The following CALCR variants were observed in gnomAD, a reference collection of about 807,000 sequenced individuals.
CALCR encodes the protein calcitonin receptor.
CALCR carries 47 observed loss-of-function variants against 59.5 expected under a neutral mutation model. The ratio of observed to expected loss-of-function variants is 0.79; its 90% CI spans 0.63 to 1.01. CALCR has a LOEUF of 1.01. CALCR is among the 50% of genes least tolerant of loss of function. The probability of loss-of-function intolerance (pLI) is 0.00; values close to 1 mark genes in which losing one functional copy is unlikely to be tolerated. For synonymous variants in CALCR, 213 were observed against 211.3 expected (o/e 1.01, Z -0.07); for missense variants, 566 against 597.1 (o/e 0.95, Z 0.54).
intron 6 of CALCR, among the ~76,000 whole-genome samples, 170 bp downstream of exon 6, chr7:93,472,205 A>G (rs1218740161): frequency 6.6e-6 from 1 of 151,746 alleles, no homozygotes; most frequent in Non-Finnish European, 1.5e-5. Flanking sequence ...GTGAAATGTC[A>G]TTTTCTCTAA....
At chr7:93,573,094 C>G (rs1790042280) in intron 2 of CALCR, among the ~76,000 whole-genome samples, 1 of 152,134 alleles carries the variant, frequency 6.6e-6, no homozygotes, top group African/African-American at 2.4e-5. Flanking sequence ...CTTAGTTTCT[C>G]TCATAATACT....
intron 8 of CALCR, 150 bp from the exon 9 acceptor site, chr7:93,443,907 C>A (rs1212055230): frequency 4.7e-6 from 3 of 640,226 alleles, no homozygotes; most frequent in African/African-American, 1.8e-5. Context: ...ACCTGCTATA[C>A]CCACAAATCA....
At chr7:93,563,754 T>A (rs1789798492) in intron 2 of CALCR, among the ~76,000 whole-genome samples, 1 of 152,194 alleles carries the variant, frequency 6.6e-6, no homozygotes, top group East Asian at 1.9e-4. Flanking sequence ...GTCATGCATT[T>A]ATAACGAGCA....
chr7:93,540,579 ACT>A (rs1789105657), intron 2 of CALCR, among the ~76,000 whole-genome samples: 1 of 151,612 alleles, frequency 6.6e-6, no homozygotes, highest in Non-Finnish European at 1.5e-5. Context: ...TGGCTAATAA[ACT>A]CTATCTTTTC....
At chr7:93,536,173 T>C (rs1036227904) in intron 2 of CALCR, among the ~76,000 whole-genome samples, 1 of 151,796 alleles carries the variant, frequency 6.6e-6, no homozygotes, top group African/African-American at 2.4e-5. Context: ...GTGCAGCAAG[T>C]GTAAGAGCAT....
intron 7 of CALCR, among the ~76,000 whole-genome samples, chr7:93,468,054 G>C (rs1413319187): frequency 6.6e-6 from 1 of 151,672 alleles, no homozygotes; most frequent in African/African-American, 2.4e-5. Flanking sequence ...AGTTGGTTGT[G>C]ATGAAAGCAT....
intron 2 of CALCR, among the ~76,000 whole-genome samples, chr7:93,522,129 T>C (rs1801777454): frequency 6.6e-6 from 1 of 152,114 alleles, no homozygotes; most frequent in South Asian, 2.1e-4. Flanking sequence ...AAACACAGCA[T>C]GAGGCATATC....
At chr7:93,430,556 T>C (rs1799638188) in intron 13 of CALCR, among the ~76,000 whole-genome samples, 1 of 152,212 alleles carries the variant, frequency 6.6e-6, no homozygotes, top group South Asian at 2.1e-4. Flanking sequence ...GTTAAACTTT[T>C]TGAAAACATT....
chr7:93,459,259 G>A lies in CALCR; in HGVS notation c.648+1562C>T, dbSNP rs1473218532. Among the ~76,000 whole-genome samples, 4 of 152,260 alleles carry A rather than the reference G, an allele frequency of 2.6e-5. No individual in the cohort carries two copies. The East Asian group carries it at 5.8e-4, about 22-fold the overall frequency. ...GTTACTAAGCCCTCACTGATTTACA[G>A]AGACACATGTGACAATGCAAAGGAA... On this transcript the variant is annotated intron_variant, in intron 8 of 13. Transcript: ENST00000426151.
intron 7 of CALCR, chr7:93,462,083 A>G (rs771126265): frequency 6.6e-7 from 1 of 1,504,830 alleles, no homozygotes; most frequent in South Asian, 1.2e-5. Flanking sequence ...TATATTTCCA[A>G]TTCAAAGGAA....
In CALCR at chr7:93,425,900, T is replaced by TGAC. The variant is rs1194238359; in HGVS notation, c.*453_*455dup. On this transcript the variant is annotated 3_prime_UTR_variant, in exon 14 of 14. Coordinates refer to ENST00000426151, the MANE Select transcript of CALCR (RefSeq NM_001742.4). ...TAAAACATCTCAGTAACATCAGAAT[T>TGAC]GACTGAAATTTAAAAAAATTAAAAA... is the stretch of plus-strand genomic sequence containing the variant. 6.5e-6 allele frequency: 1 copy of TGAC among 154,332 alleles called. No individual in the cohort carries two copies. The highest frequency in any genetic ancestry group is 1.4e-5 in the Non-Finnish European group (1 of 69,466). The allele number at this position is 154,332 out of a possible 1,614,324, so 9.6% of individuals were successfully genotyped here.
intron 3 of CALCR, among the ~76,000 whole-genome samples, chr7:93,481,124 G>A (rs955088970): frequency 1.3e-4 from 20 of 151,998 alleles, no homozygotes; most frequent in African/African-American, 4.1e-4. Flanking sequence ...GTCATGTTGT[G>A]AGGATGAACA....
At chr7:93,446,545 T>C (rs1306113459) in intron 8 of CALCR, among the ~76,000 whole-genome samples, 1 of 152,036 alleles carries the variant, frequency 6.6e-6, no homozygotes, top group Non-Finnish European at 1.5e-5. Flanking sequence ...ACACCTGCTA[T>C]GAGCCAGGAA....
chr7:93,490,566 T>TA (rs930887620), intron 2 of CALCR, among the ~76,000 whole-genome samples: 8 of 151,922 alleles, frequency 5.3e-5, no homozygotes, highest in East Asian at 3.9e-4. Context: ...AGTCGCAGGA[T>TA]AAAAAATCAA....
intron 2 of CALCR, among the ~76,000 whole-genome samples, chr7:93,573,998 T>C (rs1020653611): frequency 1.3e-5 from 2 of 152,230 alleles, no homozygotes; most frequent in Non-Finnish European, 2.9e-5. Flanking sequence ...ATAAAACTTT[T>C]GAGGGAAAAT....
intron 2 of CALCR, among the ~76,000 whole-genome samples, chr7:93,568,471 G>A (rs1423971987): frequency 2.0e-5 from 3 of 149,324 alleles, no homozygotes; most frequent in Non-Finnish European, 4.4e-5. Flanking sequence ...TCCCGCATGA[G>A]TGCTCGCTTT....
At position 93,430,039 on chromosome 7, in the gene CALCR, C is replaced by T. The variant is rs561073045; in HGVS notation, c.1192-3450G>A. Among the ~76,000 whole-genome samples the T allele has an allele frequency of 3.3e-3, 502 of 151,064 alleles. 2 individuals carry two copies. The highest frequency in any genetic ancestry group is 0.011 in the African/African-American group (450 of 41,064). On this transcript the variant is annotated intron_variant, in intron 13 of 13. Coordinates refer to ENST00000426151, the MANE Select transcript of CALCR (RefSeq NM_001742.4). The stretch of plus-strand genomic sequence containing the variant: ...CTCCACCTCCCGGGTTCACCCCATT[C>T]TTCTGCCTCAGCCTCCCAAGTAGCT...
chr7:93,571,887 T>C (rs1278924112), intron 2 of CALCR, among the ~76,000 whole-genome samples: 1 of 152,186 alleles, frequency 6.6e-6, no homozygotes, highest in Non-Finnish European at 1.5e-5. Context: ...TGGTAGTTAG[T>C]GTGCCAAGGG....
rs753900402 is a variant in CALCR at position 93,426,474 on chromosome 7, C to T, written c.1307G>A (p.Gly436Asp). ...ATGGCAGATGTAAATTGGGATGTCG[C>T]CAGCCTCCGCAGCAGCGGCTGCAGC... ...ARAAAAAAEA[G>D]DIPIYICHQE... Residue 436 changes from glycine (G) to aspartate (D), a missense_variant, in exon 14 of 14, where the codon GGC (glycine) becomes GAC (aspartate). Coordinates refer to ENST00000426151, the MANE Select transcript of CALCR (RefSeq NM_001742.4). The T allele has an allele frequency of 1.2e-6, 2 of 1,613,792 alleles. No individual in the cohort carries two copies. The highest frequency in any genetic ancestry group is 1.7e-6 in the Non-Finnish European group (2 of 1,179,734).
Sources: gnomAD v4.1 joint callset for allele counts (sites outside exome capture counted in the v4.1 genomes callset) on GRCh38, gnomAD v4.1.1 for gene constraint, MANE v1.5 for transcripts, NCBI Gene and HGNC (gene_info 2026-07-23, HGNC 2026-07-21) for gene names.